The following VTI1A variants were observed in gnomAD, a reference collection of about 807,000 sequenced individuals.
VTI1A encodes the protein vesicle transport through interaction with t-SNAREs homolog 1A.
A neutral mutation model predicts 34.9 loss-of-function variants in VTI1A; 22 were observed. The observed-to-expected ratio is 0.63, with a 90% CI of 0.45 to 0.90. The LOEUF (loss-of-function observed/expected upper bound fraction) is 0.90. Ranked by LOEUF, VTI1A falls within the 40% of genes least tolerant of loss-of-function variation. VTI1A has a pLI of 0.00. For missense variants in VTI1A, 268 were observed against 275.6 expected (o/e 0.97, Z 0.20); for synonymous variants, 87 against 97.3 (o/e 0.89, Z 0.62).
chr10:112,588,613 C>A (rs1025159568), intron 5 of VTI1A, among the ~76,000 whole-genome samples: 1 of 152,188 alleles, frequency 6.6e-6, no homozygotes, highest in Non-Finnish European at 1.5e-5. Flanking sequence ...TGTTTCACTC[C>A]AAATGGTTTA....
chr10:112,618,491 A>G (rs967229375), intron 5 of VTI1A, among the ~76,000 whole-genome samples: 10 of 69,536 alleles, frequency 1.4e-4, no homozygotes, highest in Non-Finnish European at 1.8e-4. Context: ...TGATTATATT[A>G]TATATATATA....
chr10:112,476,269 C>A (rs545909942), intron 3 of VTI1A, among the ~76,000 whole-genome samples: 2 of 152,218 alleles, frequency 1.3e-5, no homozygotes, highest in South Asian at 4.1e-4. Context: ...CAATATTCTG[C>A]AAATATATGG....
At chr10:112,650,456 T>C (rs1484088748) in intron 5 of VTI1A, among the ~76,000 whole-genome samples, 12 of 27,876 alleles carry the variant, frequency 4.3e-4, no homozygotes, top group Non-Finnish European at 2.3e-3. Flanking sequence ...TGTTCTACTC[T>C]TCACATTTTT....
At chr10:112,638,828 T>G (rs1360471510) in intron 5 of VTI1A, among the ~76,000 whole-genome samples, 2 of 151,678 alleles carry the variant, frequency 1.3e-5, no homozygotes, top group Non-Finnish European at 2.9e-5. Flanking sequence ...GGGCTTTTTT[T>G]TTTTTTCATT....
At chr10:112,606,389 C>T (rs903434525) in intron 5 of VTI1A, among the ~76,000 whole-genome samples, 6 of 152,110 alleles carry the variant, frequency 3.9e-5, no homozygotes, top group African/African-American at 9.7e-5. Flanking sequence ...CCTCACCACC[C>T]GTGGTGTGCT....
intron 3 of VTI1A, among the ~76,000 whole-genome samples, chr10:112,488,885 TTTTTTTTAA>T (rs1848731469): frequency 6.6e-6 from 1 of 152,062 alleles, no homozygotes; most frequent in Non-Finnish European, 1.5e-5. Flanking sequence ...ATTAACAAAG[TTTTTTTTAA>T]TTAAAGGAAA....
chr10:112,771,920 G>A (rs898179271), intron 7 of VTI1A, among the ~76,000 whole-genome samples: 5 of 152,120 alleles, frequency 3.3e-5, no homozygotes, highest in African/African-American at 4.8e-5. Context: ...TCCATTGTAC[G>A]GATATACCAT....
intron 3 of VTI1A, among the ~76,000 whole-genome samples, chr10:112,470,340 A>G (rs1848034199): frequency 6.6e-6 from 1 of 152,226 alleles, no homozygotes; most frequent in Non-Finnish European, 1.5e-5. Context: ...AAAACCAAAC[A>G]AAATGTATTG....
intron 7 of VTI1A, among the ~76,000 whole-genome samples, chr10:112,745,675 G>A (rs1850872438): frequency 1.3e-5 from 2 of 152,214 alleles, no homozygotes. Flanking sequence ...CACCGATGCT[G>A]TCCAACATGA....
intron 3 of VTI1A, among the ~76,000 whole-genome samples, chr10:112,505,700 G>A (rs913078401): frequency 1.3e-5 from 2 of 151,004 alleles, no homozygotes; most frequent in African/African-American, 4.9e-5. Context: ...TTGAGATGGG[G>A]TCTTGTTCTG....
intron 7 of VTI1A, among the ~76,000 whole-genome samples, chr10:112,744,068 G>A (rs1850796611): frequency 6.6e-6 from 1 of 152,120 alleles, no homozygotes; most frequent in Non-Finnish European, 1.5e-5. Flanking sequence ...TAATATTCCA[G>A]ATATTTGAAC....
intron 1 of VTI1A, among the ~76,000 whole-genome samples, chr10:112,451,968 T>C (rs1000533636): frequency 2.6e-5 from 4 of 152,254 alleles, no homozygotes; most frequent in African/African-American, 9.6e-5. Context: ...TTATTAAAAC[T>C]AATTTCACTT....
At chr10:112,673,969 A>T (rs557471303) in intron 7 of VTI1A, among the ~76,000 whole-genome samples, 1 of 152,316 alleles carries the variant, frequency 6.6e-6, no homozygotes, top group Admixed American at 6.5e-5. Context: ...TTTGCCCAGG[A>T]AACATTCTGT....
At chr10:112,834,748 G>C in the VTI1A span, among the ~76,000 whole-genome samples, 1 of 152,222 alleles carries the variant, frequency 6.6e-6, no homozygotes, top group African/African-American at 2.4e-5. Context: ...GCTCTCTGAG[G>C]CCTCTTGAAG....
chr10:112,688,597 C>T (rs1465783898), intron 7 of VTI1A, among the ~76,000 whole-genome samples: 1 of 149,576 alleles, frequency 6.7e-6, no homozygotes, highest in Non-Finnish European at 1.5e-5. Flanking sequence ...TCTTGGCTCA[C>T]TGCAACCTCC....
chr10:112,470,216 T>C (rs1420107602), intron 3 of VTI1A, among the ~76,000 whole-genome samples: 2 of 152,206 alleles, frequency 1.3e-5, no homozygotes, highest in East Asian at 3.9e-4. Context: ...AACAGATAAT[T>C]TTATATATCA....
intron 5 of VTI1A, among the ~76,000 whole-genome samples, chr10:112,604,692 T>C (rs1264370626): frequency 6.6e-6 from 1 of 152,206 alleles, no homozygotes. Flanking sequence ...AACAAAGGAA[T>C]AAATGAGGAG....
At chr10:112,523,474 A>T (rs555885492) in intron 3 of VTI1A, among the ~76,000 whole-genome samples, 36 of 152,192 alleles carry the variant, frequency 2.4e-4, no homozygotes, top group African/African-American at 8.4e-4. Flanking sequence ...TTTTCTTTCT[A>T]ACCATGTAGT....
chr10:112,810,037 A>G (rs571718775), intron 7 of VTI1A, among the ~76,000 whole-genome samples: 80 of 152,234 alleles, frequency 5.3e-4, no homozygotes, highest in Non-Finnish European at 7.4e-4. Flanking sequence ...TGACTTTGGA[A>G]AATAAAGTCA....
Sources: gnomAD v4.1 joint callset for allele counts (sites outside exome capture counted in the v4.1 genomes callset) on GRCh38, gnomAD v4.1.1 for gene constraint, MANE v1.5 for transcripts, NCBI Gene and HGNC (gene_info 2026-07-23, HGNC 2026-07-21) for gene names.